The following TRPM7 variants were observed in gnomAD, a reference collection of about 807,000 sequenced individuals.
TRPM7 encodes the protein LTRPC ion channel family member 7.
Under a neutral mutation model 229.7 loss-of-function variants are expected in TRPM7, and 134 were observed. That is an observed-to-expected ratio of 0.58 (90% CI 0.51 to 0.67). The LOEUF is 0.67. Ranked by LOEUF, TRPM7 falls within the 30% of genes least tolerant of loss-of-function variation. TRPM7 has a pLI of 0.00. For missense variants in TRPM7, 1,901 were observed against 2,210.0 expected (o/e 0.86, Z 2.80); for synonymous variants, 699 against 715.2 (o/e 0.98, Z 0.36).
rs768481076 is a variant in TRPM7, at chr15:50,632,904, G to C, written c.1096C>G (p.Gln366Glu). ...CTTTTCATGCACTCCATCAGTGTTT[G>C]AAATAAATGAAGTGCTTCATTCTGG... The part of the protein sequence containing the change: ...FGQNEALHLF[Q>E]TLMECMKRKE... The change falls in exon 9 of 39, where the codon CAA (glutamine) becomes GAA (glutamate). Residue 366 changes from glutamine to glutamate, a missense_variant. Physicochemically the swap from Gln to Glu is conservative, Grantham distance 29. Coordinates refer to ENST00000646667, the MANE Select transcript of TRPM7 (RefSeq NM_017672.6). 6.3e-7 allele frequency: 1 copy of C among 1,591,176 alleles called. No homozygotes were observed. Among genetic ancestry groups the C allele is most frequent in the South Asian group, 1.1e-5 (1 of 87,464 alleles).
At chr15:50,595,560 T>A (rs2059610570) in intron 23 of TRPM7, among the ~76,000 whole-genome samples, 1 of 151,946 alleles carries the variant, frequency 6.6e-6, no homozygotes, top group African/African-American at 2.4e-5. Flanking sequence ...TATAAAACAG[T>A]ACATAAAATA....
At chr15:50,644,638 A>T (rs2061204875) in intron 4 of TRPM7, among the ~76,000 whole-genome samples, 1 of 152,014 alleles carries the variant, frequency 6.6e-6, no homozygotes, top group Non-Finnish European at 1.5e-5. Flanking sequence ...CCCCGTCTCT[A>T]CTAAATACAA....
intron 6 of TRPM7, 64 bp downstream of exon 6, chr15:50,639,360 A>G (rs918836702): frequency 5.0e-5 from 67 of 1,338,482 alleles, no homozygotes; most frequent in Admixed American, 6.6e-5. Flanking sequence ...AACTGGCACT[A>G]TTCTTACTAT....
intron 1 of TRPM7, among the ~76,000 whole-genome samples, chr15:50,665,961 C>A (rs1051821816): frequency 2.0e-5 from 3 of 151,798 alleles, no homozygotes; most frequent in Admixed American, 2.0e-4. Context: ...CTACTGCACT[C>A]CAGCCTGGGC....
intron 1 of TRPM7, among the ~76,000 whole-genome samples, chr15:50,666,420 G>T (rs35753060): frequency 0.078 from 11,791 of 151,572 alleles, 564 homozygotes; most frequent in South Asian, 0.12. Context: ...CAGCCTGGGT[G>T]ACAGAATGAG....
At chr15:50,589,848 T>TTTTTTTG (rs71124380) in intron 26 of TRPM7, among the ~76,000 whole-genome samples, 192 bp from the exon 27 acceptor site, 68,726 of 137,158 alleles carry the variant, frequency 0.5, 16,534 homozygotes, top group Admixed American at 0.59. Flanking sequence ...AGGTTACAGT[T>TTTTTTTG]TTTTTTGTTT....
Position 50,655,978 on chromosome 15 carries a change from G to A in TRPM7, c.122+1803C>T, listed in dbSNP as rs147732251. Among the ~76,000 whole-genome samples the A allele has an allele frequency of 6.0e-3, 900 of 149,134 alleles. 3 individuals are homozygous for A. The highest frequency in any genetic ancestry group is 8.8e-3 in the Non-Finnish European group (596 of 67,542). On this transcript the variant is annotated intron_variant, in intron 3 of 38. Transcript: ENST00000646667. ...GTATGCCATCTAGCCTGGGCAACAG[G>A]GCAAGACTCCATCTCAAAAAAAGAA...
chr15:50,558,690 C>A lies in TRPM7; in HGVS notation c.*2988G>T, dbSNP rs1489980877. 1 of 150,900 alleles carries A rather than the reference C, an allele frequency of 6.6e-6. No individual in the cohort carries two copies. The highest frequency in any genetic ancestry group is 1.5e-5 in the Non-Finnish European group (1 of 67,832). 9.3% of individuals were successfully genotyped at this position (150,900 alleles called of 1,614,324 possible). On this transcript the variant is annotated 3_prime_UTR_variant, in exon 39 of 39. Transcript: ENST00000646667. The stretch of plus-strand genomic sequence containing the variant: ...CCTGGGCAACAGAGTGAGACTTCAA[C>A]TCAAAAAAACAAAAATAAATAAAAA...
intron 1 of TRPM7, among the ~76,000 whole-genome samples, chr15:50,674,359 TG>T (rs201089999): frequency 0.019 from 2,953 of 152,264 alleles, 52 homozygotes; most frequent in Non-Finnish European, 0.025. Context: ...CTTGAACTCC[TG>T]ATCTCAGGTG....
At chr15:50,651,522 C>G (rs2061419062) in intron 3 of TRPM7, among the ~76,000 whole-genome samples, 1 of 151,646 alleles carries the variant, frequency 6.6e-6, no homozygotes, top group Admixed American at 6.6e-5. Context: ...GCTTGTTGGG[C>G]ACGGTGGCTC....
intron 9 of TRPM7, 51 bp downstream of exon 9, chr15:50,632,818 G>T: frequency 1.4e-6 from 2 of 1,452,682 alleles, no homozygotes; most frequent in Non-Finnish European, 1.8e-6. Flanking sequence ...TGTTTTGAAT[G>T]AAAGAAAAAT....
chr15:50,639,371 A>G (rs2061017980), intron 6 of TRPM7, 53 bp downstream of exon 6: 4 of 1,410,904 alleles, frequency 2.8e-6, no homozygotes, highest in Non-Finnish European at 2.9e-6. Flanking sequence ...TTCTTACTAT[A>G]ATTTTGTTTA....
At chr15:50,617,767 C>T (rs942003381) in intron 13 of TRPM7, among the ~76,000 whole-genome samples, 7 of 151,906 alleles carry the variant, frequency 4.6e-5, no homozygotes, top group African/African-American at 1.5e-4. Context: ...CCCTCAGTGC[C>T]CCCCACACCC....
intron 26 of TRPM7, among the ~76,000 whole-genome samples, chr15:50,591,066 T>C (rs11070798): frequency 0.38 from 58,436 of 151,866 alleles, 11,766 homozygotes; most frequent in Admixed American, 0.49. Context: ...ACATTTTTTT[T>C]TGTTCTTATC....
At chr15:50,633,548 C>A (rs1206708766) in intron 8 of TRPM7, among the ~76,000 whole-genome samples, 1 of 152,140 alleles carries the variant, frequency 6.6e-6, no homozygotes, top group Non-Finnish European at 1.5e-5. Context: ...ATCCCCTCTC[C>A]TTTTATTCTA....
intron 1 of TRPM7, among the ~76,000 whole-genome samples, chr15:50,684,574 G>A (rs2062317396): frequency 6.6e-6 from 1 of 152,122 alleles, no homozygotes; most frequent in East Asian, 1.9e-4. Context: ...CCAGGAGGCG[G>A]AGGCTGCAGT....
At chr15:50,672,815 C>G (rs142021024) in intron 1 of TRPM7, among the ~76,000 whole-genome samples, 5,822 of 134,328 alleles carry the variant, frequency 0.043, 168 homozygotes, top group African/African-American at 0.075. Context: ...GAGGCTGAGG[C>G]AGGAGAATCG....
intron 2 of TRPM7, among the ~76,000 whole-genome samples, chr15:50,658,408 A>C (rs114682156): frequency 0.015 from 2,222 of 151,916 alleles, 60 homozygotes; most frequent in African/African-American, 0.051. Flanking sequence ...CTCCGTCTCT[A>C]CAAAAAAAAA....
chr15:50,625,114 T>C (rs781778460), intron 11 of TRPM7, among the ~76,000 whole-genome samples: 1 of 152,212 alleles, frequency 6.6e-6, no homozygotes, highest in Non-Finnish European at 1.5e-5. Context: ...ACATGAAATA[T>C]AGGTATTTCA....
Sources: allele counts gnomAD v4.1 joint callset (sites outside exome capture counted in the v4.1 genomes callset), GRCh38; gene constraint gnomAD v4.1.1; transcripts MANE v1.5; gene names NCBI Gene and HGNC (gene_info 2026-07-23, HGNC 2026-07-21).